Variants in TRAPPC9 observed in about 807,000 individuals in gnomAD.
TRAPPC9 encodes trafficking protein particle complex subunit 9.
Under a neutral mutation model 124.0 loss-of-function variants are expected in TRAPPC9, and 83 were observed. The observed-to-expected ratio is 0.67, with a 90% confidence interval of 0.56 to 0.80. The LOEUF (loss-of-function observed/expected upper bound fraction) is 0.80. TRAPPC9 is among the 30% of genes least tolerant of loss of function. The pLI, the probability that TRAPPC9 is intolerant of heterozygous loss-of-function variation, is 0.00. For missense variants in TRAPPC9, 1,302 were observed against 1,508.3 expected (o/e 0.86, Z 2.27); for synonymous variants, 638 against 617.5 (o/e 1.03, Z -0.49).
At position 140,063,478 on chromosome 8, in the gene TRAPPC9, G is replaced by A. The variant is rs1842744322; in HGVS notation, c.2557-39399C>T. 6.6e-6 allele frequency among the ~76,000 whole-genome samples: 1 copy of A among 152,106 alleles called. No individual in the cohort carries two copies. Among genetic ancestry groups the A allele is most frequent in the South Asian group, 2.1e-4 (1 of 4,828 alleles). On this transcript the variant is annotated intron_variant, in intron 17 of 22. Coordinates refer to ENST00000438773, the MANE Select transcript of TRAPPC9 (RefSeq NM_001160372.4). The surrounding 1 kb of genome is among the most constrained non-coding windows in gnomAD (Gnocchi z 4.3). ...CCCTGTTAGCATGTGGCATTCCAGG[G>A]CTCTAAACACATCAGACTGTGCCTT...
chr8:140,316,750 C>T (rs557109763), intron 9 of TRAPPC9, among the ~76,000 whole-genome samples: 1 of 152,122 alleles, frequency 6.6e-6, no homozygotes, highest in East Asian at 1.9e-4. Flanking sequence ...TTTTAGTATA[C>T]CAAAGTAATG....
chr8:140,073,608 G>C (rs761753997), intron 17 of TRAPPC9, among the ~76,000 whole-genome samples: 3 of 152,166 alleles, frequency 2.0e-5, no homozygotes, highest in Non-Finnish European at 4.4e-5. Flanking sequence ...GAGGGAGAAG[G>C]GTTAATAGAA....
chr8:139,921,316 G>T (rs1179782226), intron 19 of TRAPPC9, among the ~76,000 whole-genome samples: 1 of 152,194 alleles, frequency 6.6e-6, no homozygotes, highest in Non-Finnish European at 1.5e-5. Context: ...GTTTGGTTCA[G>T]CAGTGTTCAG....
intron 18 of TRAPPC9, among the ~76,000 whole-genome samples, chr8:140,007,622 G>A (rs1473461140): frequency 1.3e-5 from 2 of 152,166 alleles, no homozygotes; most frequent in Non-Finnish European, 2.9e-5. Context: ...ACTAATTGAT[G>A]ATGTTGCACA....
At chr8:140,183,977 GA>G in intron 17 of TRAPPC9, among the ~76,000 whole-genome samples, 1 of 121,442 alleles carries the variant, frequency 8.2e-6, no homozygotes, top group Non-Finnish European at 1.7e-5. Flanking sequence ...AGGGAGGAGG[GA>G]GGAGGGAGGA....
chr8:140,123,223 C>T (rs76816220), intron 17 of TRAPPC9, among the ~76,000 whole-genome samples: 67 of 152,278 alleles, frequency 4.4e-4, no homozygotes, highest in African/African-American at 1.5e-3. Flanking sequence ...CCCACAGTCA[C>T]GTCCGCCATG....
At chr8:140,434,983 A>C (rs2070761675) in intron 4 of TRAPPC9, 129 bp downstream of exon 4, 1 of 1,475,896 alleles carries the variant, frequency 6.8e-7, no homozygotes, top group East Asian at 2.4e-5. Context: ...AAAAAAAAAA[A>C]ATTACTGACT....
At chr8:139,901,002 A>AAATAAATAAATAAATAAAT (rs57260430) in intron 20 of TRAPPC9, among the ~76,000 whole-genome samples, 2 of 124,452 alleles carry the variant, frequency 1.6e-5, no homozygotes, top group African/African-American at 3.1e-5. Flanking sequence ...ATAAATAAAT[A>AAATAAATAAATAAATAAAT]AAATAAATAA....
intron 21 of TRAPPC9, among the ~76,000 whole-genome samples, chr8:139,859,549 C>T (rs1054142059): frequency 6.6e-6 from 1 of 152,142 alleles, no homozygotes; most frequent in Non-Finnish European, 1.5e-5. Flanking sequence ...TTCTCCATTC[C>T]AAAAAAGAGA....
rs147777973 is a variant in TRAPPC9 at position 140,241,610 on chromosome 8, G to A, written c.2431+11167C>T. 1.8e-3 allele frequency among the ~76,000 whole-genome samples: 281 copies of A among 152,188 alleles called. No individual in the cohort carries two copies. The highest frequency in any genetic ancestry group is 6.1e-3 in the African/African-American group (254 of 41,492). On this transcript the variant is annotated intron_variant, in intron 16 of 22. Coordinates refer to ENST00000438773, the MANE Select transcript of TRAPPC9 (RefSeq NM_001160372.4). This position sits in a 1 kb window ranked among gnomAD's most constrained non-coding sequence, Gnocchi z 5.0. ...TTCGGAAGGCTGAGACAGGAGAATC[G>A]CTTAAGCCCGGGAGGCAGAGGTTGC...
chr8:140,283,417 C>T (rs2065386706), intron 14 of TRAPPC9, among the ~76,000 whole-genome samples: 3 of 149,074 alleles, frequency 2.0e-5, no homozygotes, highest in East Asian at 4.0e-4. Flanking sequence ...GCCTCAGTCT[C>T]CTGAGTAGCT....
At chr8:140,194,260 C>T (rs552502383) in intron 17 of TRAPPC9, among the ~76,000 whole-genome samples, 3 of 152,194 alleles carry the variant, frequency 2.0e-5, no homozygotes, top group East Asian at 1.9e-4. Flanking sequence ...AGCCCGCACC[C>T]CTTCACACCC....
intron 18 of TRAPPC9, among the ~76,000 whole-genome samples, chr8:140,014,788 G>A (rs574762237): frequency 6.6e-6 from 1 of 152,168 alleles, no homozygotes. Flanking sequence ...ACAGGACAAG[G>A]TGAGGAATGT....
chr8:139,791,222 TG>T (rs2130603155), intron 21 of TRAPPC9, among the ~76,000 whole-genome samples: 1 of 152,284 alleles, frequency 6.6e-6, no homozygotes, highest in South Asian at 2.1e-4. Context: ...TTCGGGCAAC[TG>T]TGGCAGCCCA....
rs1262203519 is a variant in TRAPPC9 at position 140,063,313 on chromosome 8, C to T, written c.2557-39234G>A. 6.6e-6 allele frequency among the ~76,000 whole-genome samples: 1 copy of T among 152,216 alleles called. No individual in the cohort carries two copies. The highest frequency in any genetic ancestry group is 1.5e-5 in the Non-Finnish European group (1 of 68,042). On this transcript the variant is annotated intron_variant, in intron 17 of 22. Coordinates refer to ENST00000438773, the MANE Select transcript of TRAPPC9 (RefSeq NM_001160372.4). The surrounding 1 kb of genome is among the most constrained non-coding windows in gnomAD (Gnocchi z 4.3). ...CTCCTCTTTGGCCCACGTGGCCTTCCGCTTCCTGTGCTCTCACCTCACGTC... is the reference window on the plus strand; with the variant it reads ...CTCCTCTTTGGCCCACGTGGCCTTCTGCTTCCTGTGCTCTCACCTCACGTC...
chr8:140,458,384 C>T (rs756991351), upstream of TRAPPC9: 10 of 1,598,028 alleles, frequency 6.3e-6, no homozygotes, highest in Non-Finnish European at 8.5e-6. Flanking sequence ...CCCCTGTGAC[C>T]CTCACGGTAC....
intron 19 of TRAPPC9, among the ~76,000 whole-genome samples, chr8:139,942,989 A>G (rs912454250): frequency 6.6e-6 from 1 of 152,234 alleles, no homozygotes; most frequent in Admixed American, 6.5e-5. Context: ...CCTGGTGTGC[A>G]TGGAGCAGAG....
At chr8:140,052,895 C>T (rs1388998855) in intron 17 of TRAPPC9, among the ~76,000 whole-genome samples, 6 of 151,044 alleles carry the variant, frequency 4.0e-5, no homozygotes, top group Non-Finnish European at 8.9e-5. Context: ...TGCAGTGAGC[C>T]GTGGTTGAAC....
At chr8:140,441,783 TGGAAC>T (rs2071025604) in intron 2 of TRAPPC9, among the ~76,000 whole-genome samples, 1 of 152,212 alleles carries the variant, frequency 6.6e-6, no homozygotes, top group Admixed American at 6.5e-5. Flanking sequence ...CAGGCTGGTC[TGGAAC>T]TCCTGGGCCC....
Sources: gnomAD v4.1 joint callset for allele counts (sites outside exome capture counted in the v4.1 genomes callset) on GRCh38, gnomAD v4.1.1 for gene constraint, Gnocchi (gnomAD v3.1) non-coding constraint, MANE v1.5 for transcripts, NCBI Gene and HGNC (gene_info 2026-07-23, HGNC 2026-07-21) for gene names.